DNAH9: variants seen among roughly 807,000 people sequenced by gnomAD.
DNAH9 encodes dynein axonemal heavy chain 9, also known as DNAH9 variant protein.
DNAH9 carries 345 observed loss-of-function variants against 471.6 expected under a neutral mutation model. The ratio of observed to expected loss-of-function variants is 0.73; its 90% confidence interval spans 0.67 to 0.80. DNAH9 has a LOEUF of 0.80. Ranked by LOEUF, DNAH9 falls within the 30% of genes least tolerant of loss-of-function variation. The pLI is 0.00. For synonymous variants in DNAH9, 2,093 were observed against 2,123.6 expected, an observed-to-expected ratio of 0.99 and a Z score of 0.40; for missense variants, 5,407 against 5,609.2, an observed-to-expected ratio of 0.96 and a Z score of 1.15.
At chr17:11,718,216 A>G (rs755956097) in intron 26 of DNAH9, among the ~76,000 whole-genome samples, 1 of 152,220 alleles carries the variant, frequency 6.6e-6, no homozygotes, top group Non-Finnish European at 1.5e-5. Flanking sequence ...TCTTTCACTT[A>G]GCATAATGTT....
intron 23 of DNAH9, among the ~76,000 whole-genome samples, chr17:11,700,294 A>G (rs1374507978): frequency 6.6e-6 from 1 of 152,138 alleles, no homozygotes; most frequent in Non-Finnish European, 1.5e-5. Flanking sequence ...TTGTGGAACC[A>G]GCTGCTTTCC....
In DNAH9 at chr17:11,883,694, G is replaced by C; in HGVS notation, c.10915G>C (p.Val3639Leu). Reference protein sequence around the residue: ...SASGNFLGETVLVENLEITKQ... With the variant: ...SASGNFLGETLLVENLEITKQ... ...CTCTGGGAACTTCCTGGGAGAAACA[G>C]TGCTGGTGGAAAACCTAGAGATCAC... is the stretch of plus-strand genomic sequence containing the variant. Residue 3639 changes from valine (V) to leucine (L), a missense_variant, in exon 56 of 69, where the codon GTG becomes CTG. Physicochemically the swap from Val to Leu is conservative, Grantham distance 32 (BLOSUM62 1). This residue lies in a region of DNAH9 where 4,636 missense variants were observed against 4,900.3 expected (regional missense o/e 0.95). Transcript: ENST00000262442. 2 of 1,614,150 alleles carry C rather than the reference G, an allele frequency of 1.2e-6. No homozygotes were observed. Among genetic ancestry groups the C allele is most frequent in the South Asian group, 2.2e-5 (2 of 91,080 alleles).
Position 11,939,222 on chromosome 17 carries a change from T to G in DNAH9, c.12660+1700T>G, listed in dbSNP as rs867216856. 2.7e-4 allele frequency among the ~76,000 whole-genome samples: 41 copies of G among 152,206 alleles called. No homozygotes were observed. The Middle Eastern group carries it at 0.017, about 63-fold the overall frequency. On this transcript the variant is annotated intron_variant, in intron 66 of 68. Transcript: ENST00000262442. ...CACTCTACTCAGTCTATTCCACTATTTGATGTATAATTTGAAAATAAAGAG... is the reference window on the plus strand; with the variant it reads ...CACTCTACTCAGTCTATTCCACTATGTGATGTATAATTTGAAAATAAAGAG...
At chr17:11,926,848 G>A (rs1051625258) in intron 62 of DNAH9, among the ~76,000 whole-genome samples, 28 of 152,130 alleles carry the variant, frequency 1.8e-4, no homozygotes, top group African/African-American at 5.8e-4. Flanking sequence ...CTTCCACAAC[G>A]GTTGAACTAA....
At chr17:11,945,818 G>T (rs1380821920) in intron 67 of DNAH9, among the ~76,000 whole-genome samples, 1 of 152,060 alleles carries the variant, frequency 6.6e-6, no homozygotes. Context: ...CAGCACTTTG[G>T]GAGGCCGAGG....
At chr17:11,921,672 C>T (rs1362641322) in intron 61 of DNAH9, among the ~76,000 whole-genome samples, 1 of 152,204 alleles carries the variant, frequency 6.6e-6, no homozygotes, top group African/African-American at 2.4e-5. Flanking sequence ...ACCCATGAGG[C>T]TCACATGGGA....
chr17:11,735,233 C>T (rs1444932405), intron 28 of DNAH9, among the ~76,000 whole-genome samples: 1 of 152,042 alleles, frequency 6.6e-6, no homozygotes, highest in Non-Finnish European at 1.5e-5. Flanking sequence ...AAGATCTATC[C>T]TCTGCATTGT....
chr17:11,768,911 G>A (rs1395322085), intron 37 of DNAH9, among the ~76,000 whole-genome samples: 2 of 152,144 alleles, frequency 1.3e-5, no homozygotes, highest in Admixed American at 1.3e-4. Flanking sequence ...AGGAGAGCGG[G>A]GAAGCTCTCT....
At chr17:11,670,859 A>G (rs1415383101) in intron 17 of DNAH9, among the ~76,000 whole-genome samples, 1 of 152,018 alleles carries the variant, frequency 6.6e-6, no homozygotes, top group Non-Finnish European at 1.5e-5. Context: ...ATGTGCCACC[A>G]CGCCTGGGTA....
intron 45 of DNAH9, among the ~76,000 whole-genome samples, chr17:11,811,870 A>T (rs1969914852): frequency 6.7e-6 from 1 of 149,656 alleles, no homozygotes; most frequent in African/African-American, 2.4e-5. Flanking sequence ...AAGGCCTGTA[A>T]TCCCAGCTAC....
chr17:11,968,683 C>T (rs372380695), intron 68 of DNAH9, among the ~76,000 whole-genome samples: 34 of 152,248 alleles, frequency 2.2e-4, no homozygotes, highest in South Asian at 2.1e-3. Flanking sequence ...ACTTTGGCTC[C>T]GCAGAACATT....
chr17:11,940,516 C>G (rs921903701), intron 66 of DNAH9, among the ~76,000 whole-genome samples: 7 of 152,212 alleles, frequency 4.6e-5, no homozygotes, highest in Non-Finnish European at 8.8e-5. Flanking sequence ...AGCAGCTGCT[C>G]TCAGGTACCA....
At chr17:11,675,925 G>A (rs530102499) in intron 17 of DNAH9, among the ~76,000 whole-genome samples, 34 of 151,104 alleles carry the variant, frequency 2.3e-4, no homozygotes, top group African/African-American at 7.8e-4. Context: ...TTTTGGTTTT[G>A]TAATTGTGCT....
intron 48 of DNAH9, among the ~76,000 whole-genome samples, chr17:11,828,352 A>C (rs1170262844): frequency 6.6e-6 from 1 of 152,058 alleles, no homozygotes; most frequent in African/African-American, 2.4e-5. Context: ...ATGCGCCTGT[A>C]ATCCCAGCTA....
chr17:11,811,539 G>A (rs1353323706), intron 45 of DNAH9, among the ~76,000 whole-genome samples: 1 of 152,082 alleles, frequency 6.6e-6, no homozygotes, highest in African/African-American at 2.4e-5. Flanking sequence ...GTGGAACCTG[G>A]TGGTCACATC....
At chr17:11,634,204 G>A (rs896171109) in intron 8 of DNAH9, among the ~76,000 whole-genome samples, 1 of 152,066 alleles carries the variant, frequency 6.6e-6, no homozygotes, top group Non-Finnish European at 1.5e-5. Flanking sequence ...GGAACTAGTA[G>A]GAAAACCATA....
intron 61 of DNAH9, among the ~76,000 whole-genome samples, chr17:11,921,634 G>A (rs1974141536): frequency 6.6e-6 from 1 of 152,170 alleles, no homozygotes; most frequent in Non-Finnish European, 1.5e-5. Context: ...CAGTTGCAAA[G>A]GGAAAGACCT....
intron 45 of DNAH9, among the ~76,000 whole-genome samples, chr17:11,812,010 A>T (rs1969927454): frequency 9.3e-5 from 5 of 53,938 alleles, no homozygotes; most frequent in African/African-American, 3.5e-4. Context: ...AAAAAAAAAA[A>T]AAAAAAAAAA....
At chr17:11,670,322 C>T (rs2150729368) in intron 17 of DNAH9, among the ~76,000 whole-genome samples, 1 of 152,340 alleles carries the variant, frequency 6.6e-6, no homozygotes, top group South Asian at 2.1e-4. Context: ...ACTAGGCTCT[C>T]TAAGCCAGAG....
Sources: allele counts gnomAD v4.1 joint callset (sites outside exome capture counted in the v4.1 genomes callset), GRCh38; gene constraint gnomAD v4.1.1; regional missense constraint gnomAD v4.1.1; transcripts MANE v1.5; gene names NCBI Gene and HGNC (gene_info 2026-07-23, HGNC 2026-07-21).